The following PLCXD1 variants were observed in gnomAD, a reference collection of about 807,000 sequenced individuals.
PLCXD1 encodes the protein PI-PLC X domain-containing protein 1.
In PLCXD1, 45 loss-of-function variants were observed where a neutral mutation model predicts 37.8. That is an observed-to-expected ratio of 1.19 (90% confidence interval 0.94 to 1.53). The LOEUF (loss-of-function observed/expected upper bound fraction) is 1.53. PLCXD1 is among the 40% of genes most tolerant of loss of function. The pLI, the probability that PLCXD1 is intolerant of heterozygous loss-of-function variation, is 0.00. For missense variants in PLCXD1, 539 were observed against 454.7 expected (o/e 1.19, Z -1.69); for synonymous variants, 246 against 206.9 (o/e 1.19, Z -1.62).
chrX:297,683 C>T (rs867866654), intron 6 of PLCXD1, among the ~76,000 whole-genome samples: 611 of 44,332 alleles, frequency 0.014, no homozygotes, highest in African/African-American at 0.098. Flanking sequence ...GGGATTAGGA[C>T]GTGGACATCT....
At chrX:291,458 T>G (rs771380301) in intron 4 of PLCXD1, 41 bp from the exon 5 acceptor site, 3 of 1,607,866 alleles carry the variant, frequency 1.9e-6, no homozygotes, top group Non-Finnish European at 2.5e-6. Flanking sequence ...CCCTGTGGTG[T>G]TGGAGTCGTG....
chrX:296,493 G>A (rs909005915), intron 6 of PLCXD1, among the ~76,000 whole-genome samples: 5 of 152,172 alleles, frequency 3.3e-5, no homozygotes, highest in Non-Finnish European at 5.9e-5. Flanking sequence ...GTCTCTGGCT[G>A]TGGAATCAGT....
intron 6 of PLCXD1, among the ~76,000 whole-genome samples, chrX:296,327 G>A (rs1447309701): frequency 3.9e-5 from 6 of 151,904 alleles, no homozygotes; most frequent in African/African-American, 1.5e-4. Flanking sequence ...GTTTCAGCGT[G>A]TTGGTCAGGC....
intron 6 of PLCXD1, among the ~76,000 whole-genome samples, chrX:294,343 G>T (rs192059713): frequency 6.6e-6 from 1 of 152,086 alleles, no homozygotes; most frequent in African/African-American, 2.4e-5. Context: ...TTAGCCGGGC[G>T]TGGTGGCGGG....
intron 6 of PLCXD1, among the ~76,000 whole-genome samples, chrX:296,600 C>T (rs1321304266): frequency 1.3e-5 from 2 of 152,166 alleles, no homozygotes; most frequent in Admixed American, 6.6e-5. Context: ...GTAGGTGGAG[C>T]CCCCAAATTT....
intron 5 of PLCXD1, 99 bp downstream of exon 5, chrX:291,753 T>A (rs1406020253): frequency 1.5e-6 from 2 of 1,329,096 alleles, no homozygotes; most frequent in African/African-American, 2.9e-5. Context: ...GCTGCCATGA[T>A]TCCTGTAGCA....
rs1171001943 is a variant in PLCXD1, at chrX:288,746, G to A, written c.141G>A (p.Thr47=). The A allele has an allele frequency of 3.1e-6, 5 of 1,613,902 alleles. No individual in the cohort carries two copies. Among genetic ancestry groups the A allele is most frequent in the East Asian group, 2.2e-5 (1 of 44,882 alleles). ...HHLSIPGSHD[T]MTYCLNKKSP... ...CTTTGCTCTCAGGGAGCCACGACACGATGACGTACTGCCTGAACAAGAAGT... is the reference window on the plus strand; with the variant it reads ...CTTTGCTCTCAGGGAGCCACGACACAATGACGTACTGCCTGAACAAGAAGT... Residue 47 remains threonine, a synonymous_variant, in exon 3 of 7, where the codon ACG becomes ACA. Coordinates refer to ENST00000381657, the MANE Select transcript of PLCXD1 (RefSeq NM_018390.4).
chrX:284,247 C>G lies in PLCXD1; in HGVS notation c.60C>G (p.Asn20Lys). The G allele has an allele frequency of 1.2e-6, 2 of 1,613,600 alleles. No homozygotes were observed. Among genetic ancestry groups the G allele is most frequent in the East Asian group, 4.5e-5 (2 of 44,888 alleles). Residue 20 changes from asparagine to lysine, a missense_variant, in exon 2 of 7, where the codon AAC (asparagine) becomes AAG (lysine). Transcript: ENST00000381657. Reference sequence around the variant, plus strand: ...CGAGGCTGCACTGCAGAAATGCCAACGAGGACTGGATGTCGGCACTGTGTC... The same window carrying G: ...CGAGGCTGCACTGCAGAAATGCCAAGGAGGACTGGATGTCGGCACTGTGTC... ...SFSRLHCRNANEDWMSALCPR... is the reference protein window; with the variant it reads ...SFSRLHCRNAKEDWMSALCPR...
chrX:282,893 ATATGTC>A (rs2069313587), intron 1 of PLCXD1, among the ~76,000 whole-genome samples: 1 of 146,164 alleles, frequency 6.8e-6, no homozygotes, highest in African/African-American at 2.5e-5. Flanking sequence ...TATGTGTTAT[ATATGTC>A]TATATTATAT....
intron 5 of PLCXD1, 93 bp downstream of exon 5, chrX:291,747 C>G: frequency 7.4e-7 from 1 of 1,356,778 alleles, no homozygotes; most frequent in Non-Finnish European, 1.1e-6. Context: ...GTGGGTGCTG[C>G]CATGATTCCT....
chrX:294,327 A>G (rs1450778935), intron 6 of PLCXD1, among the ~76,000 whole-genome samples: 1 of 151,884 alleles, frequency 6.6e-6, no homozygotes, highest in Non-Finnish European at 1.5e-5. Context: ...CTAAAAATAC[A>G]AAAAATTAGC....
chrX:283,878 C>CT (rs113086591), intron 1 of PLCXD1: 556 of 192,454 alleles, frequency 2.9e-3, no homozygotes, highest in South Asian at 9.8e-3. Flanking sequence ...CTCTCTCTCT[C>CT]TTTTTTTTTT....
chrX:299,781 T>C lies in PLCXD1; in HGVS notation c.*446T>C, dbSNP rs376040256. ...CAAAAGAAAAAAAAACAGCCGAGTG[T>C]GCAGTGACTCACGCCTGTCATCCCA... On this transcript the variant is annotated 3_prime_UTR_variant, in exon 7 of 7. Coordinates refer to ENST00000381657, the MANE Select transcript of PLCXD1 (RefSeq NM_018390.4). The C allele has an allele frequency of 4.6e-3, 776 of 170,474 alleles. 9 individuals are homozygous for C. The highest frequency in any genetic ancestry group is 0.021 in the African/African-American group (732 of 34,282). The allele number at this position is 170,474 out of a possible 1,614,324, so 10.6% of individuals were successfully genotyped here.
chrX:276,707 C>A (rs2069163847), upstream of PLCXD1, among the ~76,000 whole-genome samples: 1 of 152,176 alleles, frequency 6.6e-6, no homozygotes, highest in African/African-American at 2.4e-5. Flanking sequence ...AGCCCGGGGG[C>A]CACGACTTGC....
intron 2 of PLCXD1, 34 bp from the exon 3 acceptor site, chrX:288,699 T>C: frequency 6.2e-7 from 1 of 1,612,634 alleles, no homozygotes; most frequent in South Asian, 1.1e-5. Context: ...GACGGACTCG[T>C]GGTGACATGT....
intron 6 of PLCXD1, among the ~76,000 whole-genome samples, chrX:296,395 T>C (rs2069809486): frequency 6.6e-6 from 1 of 152,170 alleles, no homozygotes; most frequent in Non-Finnish European, 1.5e-5. Context: ...CGTGCTGGGA[T>C]GACAGGCATG....
At chrX:295,826 G>A (rs1055880193) in intron 6 of PLCXD1, among the ~76,000 whole-genome samples, 2 of 149,780 alleles carry the variant, frequency 1.3e-5, no homozygotes, top group African/African-American at 4.9e-5. Flanking sequence ...GGTGCCAGGC[G>A]GAAAATTTTT....
chrX:288,650 T>G, intron 2 of PLCXD1, 83 bp from the exon 3 acceptor site: 1 of 1,455,436 alleles, frequency 6.9e-7, no homozygotes. Flanking sequence ...CAGCCTGTGC[T>G]GTAGGCGGGC....
At chrX:281,220 G>C, upstream of PLCXD1, 1 of 241,988 alleles carries the variant, frequency 4.1e-6, no homozygotes, top group Non-Finnish European at 8.2e-6. Flanking sequence ...CAGAGAAGGG[G>C]CCAGCTCCCT....
Sources: gnomAD v4.1 joint callset for allele counts (sites outside exome capture counted in the v4.1 genomes callset) on GRCh38, gnomAD v4.1.1 for gene constraint, MANE v1.5 for transcripts, NCBI Gene and HGNC (gene_info 2026-07-23, HGNC 2026-07-21) for gene names.